ADH1C: variants seen among roughly 807,000 people sequenced by gnomAD.
ADH1C encodes the protein alcohol dehydrogenase 1C.
A neutral mutation model predicts 35.0 loss-of-function variants in ADH1C; 26 were observed. The observed-to-expected ratio is 0.74, with a 90% CI of 0.54 to 1.03. ADH1C has a LOEUF of 1.03. Ranked by LOEUF, ADH1C falls within the 50% of genes least tolerant of loss-of-function variation. ADH1C has a pLI of 0.00. For synonymous variants in ADH1C, 170 were observed against 169.3 expected, an observed-to-expected ratio of 1.00 and a Z score of -0.03; for missense variants, 413 against 465.4, an observed-to-expected ratio of 0.89 and a Z score of 1.04.
chr4:99,347,796 G>T lies in ADH1C; in HGVS notation c.69C>A (p.Ser23=). The T allele has an allele frequency of 6.2e-7, 1 of 1,613,864 alleles. No homozygotes were observed. Among genetic ancestry groups the T allele is most frequent in the Non-Finnish European group, 8.5e-7 (1 of 1,179,826 alleles). Residue 23 remains serine, a synonymous_variant, in exon 2 of 9, where the codon TCC becomes TCA. Transcript: ENST00000515683. ...GAGGTGCAACCTCTACCTCCTCAAT[G>T]GAAAAGGGTTTCTTTAACTCCCATA... is the stretch of plus-strand genomic sequence containing the variant. The part of the protein sequence containing the change: ...AVLWELKKPF[S]IEEVEVAPPK...
chr4:99,347,705 T>C (rs760453340), intron 2 of ADH1C, 40 bp downstream of exon 2: 2 of 1,554,462 alleles, frequency 1.3e-6, no homozygotes, highest in East Asian at 4.6e-5. Context: ...TCTGAATTCT[T>C]TAAACTTAAA....
chr4:99,338,478 A>C, intron 8 of ADH1C, among the ~76,000 whole-genome samples: 1 of 126,634 alleles, frequency 7.9e-6, no homozygotes. Context: ...GTTTAATAGA[A>C]AGTGAATAGA....
chr4:99,347,664 T>A, intron 2 of ADH1C, 81 bp downstream of exon 2: 1 of 1,299,628 alleles, frequency 7.7e-7, no homozygotes, highest in Admixed American at 2.5e-5. Flanking sequence ...ATACCTCTAG[T>A]GGATTTTGGA....
chr4:99,339,923 C>G (rs1478191418), intron 7 of ADH1C, among the ~76,000 whole-genome samples: 3 of 152,194 alleles, frequency 2.0e-5, no homozygotes, highest in Non-Finnish European at 4.4e-5. Context: ...TAGTTATTCT[C>G]TCTCTCACAG....
At chr4:99,337,460 T>C (rs1734303330) in intron 8 of ADH1C, among the ~76,000 whole-genome samples, 1 of 152,176 alleles carries the variant, frequency 6.6e-6, no homozygotes, top group African/African-American at 2.4e-5. Flanking sequence ...GTATTAATTC[T>C]AAGCTACTTC....
intron 8 of ADH1C, among the ~76,000 whole-genome samples, chr4:99,337,039 T>C (rs886334984): frequency 3.3e-5 from 5 of 152,202 alleles, no homozygotes; most frequent in Admixed American, 6.5e-5. Flanking sequence ...TACATTAGCA[T>C]CTTCAAAAAA....
Position 99,340,649 on chromosome 4 carries a change from G to C in ADH1C, c.890C>G (p.Pro297Arg). 1 of 1,613,552 alleles carries C rather than the reference G, an allele frequency of 6.2e-7. No individual in the cohort carries two copies. The highest frequency in any genetic ancestry group is 8.5e-7 in the Non-Finnish European group (1 of 1,180,018). The change falls in exon 7 of 9, where the codon CCT becomes CGT. Residue 297 changes from proline to arginine, a missense_variant. Transcript: ENST00000515683. ...CGTSVIVGVP[P>R]DSQNLSINPM... is the part of the protein sequence containing the mutation. ...GTTTATTGAGAGGTTCTGGGAATCA[G>C]GAGGTACCCCTACAATGACACTTGT...
intron 8 of ADH1C, among the ~76,000 whole-genome samples, chr4:99,337,396 C>T (rs541086685): frequency 3.9e-5 from 6 of 152,026 alleles, no homozygotes; most frequent in Admixed American, 3.3e-4. Flanking sequence ...GTTTAATAGA[C>T]CTTTGATACA....
intron 7 of ADH1C, among the ~76,000 whole-genome samples, chr4:99,339,928 T>A (rs1395285389): frequency 6.6e-6 from 1 of 152,222 alleles, no homozygotes; most frequent in East Asian, 1.9e-4. Context: ...ATTCTCTCTC[T>A]CACAGAGAAA....
rs1734593875 is a variant in ADH1C at position 99,348,407 on chromosome 4, GA to G, written c.19-562del. On this transcript the variant is annotated intron_variant, in intron 1 of 8. Coordinates refer to ENST00000515683, the MANE Select transcript of ADH1C (RefSeq NM_000669.5). ...TTTTTTGTTCTTGCGATAGTTTACTGAGAATGATGATTTCCAGCTTCATCCA... is the reference window on the plus strand; with the variant it reads ...TTTTTTGTTCTTGCGATAGTTTACTGGAATGATGATTTCCAGCTTCATCCA... 6.6e-5 allele frequency among the ~76,000 whole-genome samples: 10 copies of G among 151,842 alleles called. No homozygotes were observed. In the South Asian group the frequency reaches 2.1e-3, roughly 32 times the overall value.
intron 1 of ADH1C, chr4:99,351,231 A>T (rs995984491): frequency 1.3e-5 from 2 of 151,856 alleles, no homozygotes; most frequent in African/African-American, 4.8e-5. Context: ...CAATAATAAC[A>T]GTGGCTAATA....
intron 8 of ADH1C, among the ~76,000 whole-genome samples, chr4:99,337,184 C>T (rs183172107): frequency 9.2e-5 from 14 of 152,040 alleles, no homozygotes; most frequent in Admixed American, 5.3e-4. Flanking sequence ...TAAACAATGA[C>T]GATAGGAAGT....
intron 8 of ADH1C, among the ~76,000 whole-genome samples, chr4:99,337,584 T>C (rs561507251): frequency 2.6e-5 from 4 of 152,134 alleles, no homozygotes; most frequent in Non-Finnish European, 4.4e-5. Flanking sequence ...GAGAATTTTA[T>C]ATATAGTGTG....
intron 3 of ADH1C, 60 bp downstream of exon 3, chr4:99,346,946 C>T: frequency 6.3e-7 from 1 of 1,580,234 alleles, no homozygotes; most frequent in Non-Finnish European, 8.6e-7. Flanking sequence ...TTTCCTCATC[C>T]AGGCTGACTA....
In ADH1C at chr4:99,336,533, A is replaced by C. The variant is rs1579524525; in HGVS notation, c.*219T>G. 8.2e-6 allele frequency: 5 copies of C among 610,448 alleles called. 1 individual carries two copies. The South Asian group carries it at 1.1e-4, about 14-fold the overall frequency. The allele number at this position is 610,448 out of a possible 1,614,324, so 37.8% of individuals were successfully genotyped here. On this transcript the variant is annotated 3_prime_UTR_variant, in exon 9 of 9. Coordinates refer to ENST00000515683, the MANE Select transcript of ADH1C (RefSeq NM_000669.5). ...GAAGGTTTATTGGCTTCAATTCCCC[A>C]GTTGATGTTCAACACTTTATTTAGT...
At chr4:99,338,964 C>CG (rs1390921929) in intron 8 of ADH1C, among the ~76,000 whole-genome samples, 38 of 151,684 alleles carry the variant, frequency 2.5e-4, no homozygotes, top group Non-Finnish European at 4.7e-4. Context: ...GCTTATTTTT[C>CG]TAAGACTTGG....
chr4:99,337,542 A>T (rs1346142776), intron 8 of ADH1C, among the ~76,000 whole-genome samples: 1 of 152,136 alleles, frequency 6.6e-6, no homozygotes, highest in African/African-American at 2.4e-5. Context: ...ACTTTTGATG[A>T]ACACTTTTAA....
chr4:99,347,734 A>C lies in ADH1C; in HGVS notation c.120+11T>G. 6.3e-7 allele frequency: 1 copy of C among 1,591,786 alleles called. No individual in the cohort carries two copies. Among genetic ancestry groups the C allele is most frequent in the Non-Finnish European group, 8.5e-7 (1 of 1,170,082 alleles). On this transcript the variant is annotated intron_variant, in intron 2 of 8. Coordinates refer to ENST00000515683, the MANE Select transcript of ADH1C (RefSeq NM_000669.5). ...ACTTAAAATTAAATACAAATGGAAA[A>C]AGTATTTCACCTTAATGCGAACTTC...
intron 8 of ADH1C, among the ~76,000 whole-genome samples, chr4:99,338,485 T>C (rs2110652546): frequency 7.5e-6 from 1 of 132,718 alleles, no homozygotes; most frequent in Admixed American, 7.9e-5. Flanking sequence ...AGAAAGTGAA[T>C]AGATTTGCTA....
Sources: gnomAD v4.1 joint callset for allele counts (sites outside exome capture counted in the v4.1 genomes callset) on GRCh38, gnomAD v4.1.1 for gene constraint, MANE v1.5 for transcripts, NCBI Gene and HGNC (gene_info 2026-07-23, HGNC 2026-07-21) for gene names.